ACSM6: variants seen among roughly 807,000 people sequenced by gnomAD.
ACSM6 encodes acyl-coenzyme A synthetase ACSM6, mitochondrial.
A neutral mutation model predicts 51.1 loss-of-function variants in ACSM6; 35 were observed. That is an observed-to-expected ratio of 0.69 (90% CI 0.52 to 0.91). The LOEUF is 0.91. ACSM6 is among the 40% of genes least tolerant of loss of function. The pLI is 0.00. For missense variants in ACSM6, 509 were observed against 584.1 expected, an observed-to-expected ratio of 0.87 and a Z score of 1.32; for synonymous variants, 172 against 207.3, an observed-to-expected ratio of 0.83 and a Z score of 1.46.
chr10:95,217,012 A>G (rs1453299410), intron 8 of ACSM6, among the ~76,000 whole-genome samples: 3 of 152,326 alleles, frequency 2.0e-5, no homozygotes, highest in Non-Finnish European at 2.9e-5. Flanking sequence ...AAATTTTTAC[A>G]TGAATTGGTT....
intron 9 of ACSM6, among the ~76,000 whole-genome samples, chr10:95,221,476 C>G (rs1405211743): frequency 1.3e-5 from 2 of 152,126 alleles, no homozygotes; most frequent in Non-Finnish European, 2.9e-5. Context: ...ATCTCAGCTA[C>G]TCAGCAGGCT....
At chr10:95,209,335 G>T (rs2034872375) in intron 4 of ACSM6, among the ~76,000 whole-genome samples, 1 of 152,150 alleles carries the variant, frequency 6.6e-6, no homozygotes, top group African/African-American at 2.4e-5. Flanking sequence ...AGAGTAGCAG[G>T]AGAGGAGGCC....
chr10:95,196,317 C>T (rs1458127885), intron 2 of ACSM6, among the ~76,000 whole-genome samples: 1 of 152,150 alleles, frequency 6.6e-6, no homozygotes, highest in African/African-American at 2.4e-5. Context: ...CAGAGGGCTG[C>T]AGCTGTGAGC....
At chr10:95,195,437 G>A (rs2034715218) in intron 2 of ACSM6, among the ~76,000 whole-genome samples, 1 of 152,178 alleles carries the variant, frequency 6.6e-6, no homozygotes, top group Admixed American at 6.5e-5. Context: ...TAGGGTCAGA[G>A]GGAAGAGTAT....
exon 6 of ACSM6, chr10:95,211,940 C>G: frequency 6.2e-7 from 1 of 1,613,894 alleles, no homozygotes; most frequent in South Asian, 1.1e-5. Context: ...TTTGGTGGAT[C>G]TTTATCCCTG....
chr10:95,201,866 C>T, intron 2 of ACSM6, 119 bp from the exon 3 acceptor site: 15 of 794,114 alleles, frequency 1.9e-5, no homozygotes, highest in Non-Finnish European at 1.9e-5. Context: ...TCCCCCTAAG[C>T]CCAGGCATCC....
chr10:95,203,857 T>TAAAAAAAAAAAAAAAAAA (rs34969526), intron 3 of ACSM6, among the ~76,000 whole-genome samples: 1 of 106,870 alleles, frequency 9.4e-6, no homozygotes, highest in African/African-American at 3.7e-5. Flanking sequence ...ATGCTAGATT[T>TAAAAAAAAAAAAAAAAAA]AAAAAAAAAA....
intron 9 of ACSM6, among the ~76,000 whole-genome samples, chr10:95,223,938 G>A (rs2035016041): frequency 6.6e-6 from 1 of 151,912 alleles, no homozygotes; most frequent in Admixed American, 6.6e-5. Context: ...TAAAAATTGA[G>A]GTCATCAAAG....
At chr10:95,215,086 A>G in intron 8 of ACSM6, 111 bp downstream of exon 8, 1 of 1,294,108 alleles carries the variant, frequency 7.7e-7, no homozygotes, top group Non-Finnish European at 1.1e-6. Context: ...CTGGATCTTA[A>G]GCACAGGAAG....
intron 3 of ACSM6, 117 bp downstream of exon 3, chr10:95,202,312 G>C: frequency 4.3e-6 from 4 of 930,862 alleles, no homozygotes; most frequent in Non-Finnish European, 5.0e-6. Context: ...TCTTCCCACA[G>C]TGTGGGGGAT....
chr10:95,201,881 C>A, intron 2 of ACSM6, 104 bp from the exon 3 acceptor site: 1 of 930,608 alleles, frequency 1.1e-6, no homozygotes, highest in Non-Finnish European at 1.7e-6. Context: ...GCATCCTAGC[C>A]TCTCAAGATC....
At chr10:95,212,244 G>GT (rs1262468984) in intron 6 of ACSM6, among the ~76,000 whole-genome samples, 1 of 152,148 alleles carries the variant, frequency 6.6e-6, no homozygotes, top group Admixed American at 6.5e-5. Context: ...TACTTCCATT[G>GT]TATCACTGAG....
At chr10:95,205,703 T>G (rs1016593868) in intron 3 of ACSM6, among the ~76,000 whole-genome samples, 1 of 152,150 alleles carries the variant, frequency 6.6e-6, no homozygotes, top group Non-Finnish European at 1.5e-5. Flanking sequence ...TACTAATCAA[T>G]AGGGAAAATA....
At chr10:95,214,918 G>A in exon 8 of ACSM6, 1 of 1,551,624 alleles carries the variant, frequency 6.4e-7, no homozygotes, top group Non-Finnish European at 8.7e-7. Context: ...GGGTGATTGA[G>A]GACTGGAAAC....
rs933756545 is a variant in ACSM6, at chr10:95,202,117, A to T, written c.325A>T (p.Ser109Cys). ...CATCCTCTCAGACACCTGTGCCCTTAGCCATGGAGACCGGCTGATGATAAT... is the reference window on the plus strand; with the variant it reads ...CATCCTCTCAGACACCTGTGCCCTTTGCCATGGAGACCGGCTGATGATAAT... Residue 109 changes from serine (S) to cysteine (C), a missense_variant, in exon 3 of 11, where the codon AGC becomes TGC. By Grantham distance (112) the Ser-to-Cys change is moderately radical. Coordinates refer to ENST00000341686, the Ensembl canonical transcript of ACSM6. The T allele has an allele frequency of 7.7e-6, 12 of 1,552,154 alleles. No homozygotes were observed. In the Admixed American group the frequency reaches 2.0e-4, roughly 25 times the overall value.
chr10:95,224,630 C>A lies in ACSM6; in HGVS notation c.1201-660C>A, dbSNP rs554028034. ...GGTCAGGCTGGTCTCGAACTCCCGACCTCAGGTGATCTGCCCACCTCGGCC... is the reference window on the plus strand; with the variant it reads ...GGTCAGGCTGGTCTCGAACTCCCGAACTCAGGTGATCTGCCCACCTCGGCC... On this transcript the variant is annotated intron_variant, in intron 9 of 10. Coordinates refer to ENST00000341686, the Ensembl canonical transcript of ACSM6. Among the ~76,000 whole-genome samples, 6 of 152,228 alleles carry A rather than the reference C, an allele frequency of 3.9e-5. No homozygotes were observed. In the South Asian group the frequency reaches 1.2e-3, roughly 32 times the overall value.
At chr10:95,201,309 C>T (rs2034792178) in intron 2 of ACSM6, 5 of 368,302 alleles carry the variant, frequency 1.4e-5, no homozygotes, top group Admixed American at 3.2e-5. Flanking sequence ...ATTTTGCAAA[C>T]TTCACTCCCC....
intron 9 of ACSM6, among the ~76,000 whole-genome samples, chr10:95,224,989 G>A (rs1177586484): frequency 6.6e-6 from 1 of 152,124 alleles, no homozygotes; most frequent in East Asian, 1.9e-4. Flanking sequence ...TATAATAGGT[G>A]CACTTTAAAT....
chr10:95,194,416 T>A (rs2034704959), intron 1 of ACSM6, 49 bp from the exon 2 acceptor site: 2 of 1,358,314 alleles, frequency 1.5e-6, no homozygotes, highest in Admixed American at 4.3e-5. Context: ...TCAGTGATTA[T>A]CCCTCTGAGC....
Sources: allele counts gnomAD v4.1 joint callset (sites outside exome capture counted in the v4.1 genomes callset), GRCh38; gene constraint gnomAD v4.1.1; transcripts MANE v1.5; gene names NCBI Gene and HGNC (gene_info 2026-07-23, HGNC 2026-07-21).